Variants in SGMS2 observed in about 807,000 individuals in gnomAD.
The protein encoded by SGMS2 is phosphatidylcholine:ceramide cholinephosphotransferase 2.
SGMS2 carries 21 observed loss-of-function variants against 43.8 expected under a neutral mutation model. That is an observed-to-expected ratio of 0.48 (90% confidence interval 0.34 to 0.69). The LOEUF (loss-of-function observed/expected upper bound fraction) is 0.69, where lower values mean the gene tolerates loss of function less well. Ranked by LOEUF, SGMS2 falls within the 30% of genes least tolerant of loss-of-function variation. SGMS2 has a pLI of 0.01. For missense variants in SGMS2, 384 were observed against 443.2 expected, an observed-to-expected ratio of 0.87 and a Z score of 1.20; for synonymous variants, 167 against 160.6, an observed-to-expected ratio of 1.04 and a Z score of -0.30.
At chr4:107,853,329 C>G (rs1727256363) in intron 1 of SGMS2, among the ~76,000 whole-genome samples, 2 of 152,074 alleles carry the variant, frequency 1.3e-5, no homozygotes, top group African/African-American at 4.8e-5. Flanking sequence ...TACAGAGTTG[C>G]CTTTCAATAT....
At chr4:107,871,162 T>G (rs1294835856) in intron 2 of SGMS2, among the ~76,000 whole-genome samples, 1 of 152,174 alleles carries the variant, frequency 6.6e-6, no homozygotes, top group Non-Finnish European at 1.5e-5. Flanking sequence ...TGATTTTCTA[T>G]TCACTGCTGA....
intron 1 of SGMS2, among the ~76,000 whole-genome samples, chr4:107,837,050 T>G (rs1310671588): frequency 1.3e-5 from 2 of 152,220 alleles, no homozygotes; most frequent in African/African-American, 4.8e-5. Flanking sequence ...TGACACAGAT[T>G]GCTGAGATGC....
At chr4:107,878,158 C>T (rs978178054) in intron 2 of SGMS2, among the ~76,000 whole-genome samples, 15 of 152,124 alleles carry the variant, frequency 9.9e-5, no homozygotes, top group Non-Finnish European at 2.2e-4. Context: ...TCACGATCCA[C>T]CCACCTGGGC....
chr4:107,865,928 A>G (rs1272347768), intron 2 of SGMS2, among the ~76,000 whole-genome samples: 1 of 152,218 alleles, frequency 6.6e-6, no homozygotes, highest in East Asian at 1.9e-4. Flanking sequence ...GATTGCCACA[A>G]GAAATAAAAG....
At chr4:107,856,742 C>T (rs904698605) in intron 1 of SGMS2, among the ~76,000 whole-genome samples, 4 of 152,254 alleles carry the variant, frequency 2.6e-5, no homozygotes, top group Non-Finnish European at 5.9e-5. Context: ...AACTGCTTGT[C>T]CCTTTTAATG....
chr4:107,884,008 T>C (rs1387101586), intron 2 of SGMS2, among the ~76,000 whole-genome samples: 2 of 152,206 alleles, frequency 1.3e-5, no homozygotes, highest in Admixed American at 1.3e-4. Context: ...TTGCCTAATG[T>C]TTTTCAATTT....
chr4:107,903,261 A>C lies in SGMS2; in HGVS notation c.602A>C (p.Gln201Pro). Reference protein sequence around the residue: ...KLNGDSQAKVQRILRLISGGG... With the variant: ...KLNGDSQAKVPRILRLISGGG... ...AATGGAGACTCTCAGGCAAAAGTTC[A>C]ACGGATTCTACGATTGATTTCTGGT... is the stretch of plus-strand genomic sequence containing the variant. The change falls in exon 5 of 7, where the codon CAA becomes CCA. Residue 201 changes from glutamine (Q) to proline (P), a missense_variant. Transcript: ENST00000690982. The C allele has an allele frequency of 6.2e-7, 1 of 1,614,086 alleles. No homozygotes were observed. The highest frequency in any genetic ancestry group is 8.5e-7 in the Non-Finnish European group (1 of 1,179,944).
intron 2 of SGMS2, among the ~76,000 whole-genome samples, chr4:107,890,498 A>T (rs545816390): frequency 6.6e-6 from 1 of 152,216 alleles, no homozygotes; most frequent in South Asian, 2.1e-4. Flanking sequence ...AACATGGTGA[A>T]ACGTCATCTG....
At chr4:107,851,603 C>T (rs1493124) in intron 1 of SGMS2, among the ~76,000 whole-genome samples, 78,634 of 151,980 alleles carry the variant, frequency 0.52, 21,114 homozygotes, top group African/African-American at 0.61. Context: ...ACAGTTTTGA[C>T]AATAACACTT....
chr4:107,861,437 G>C (rs1727725698), intron 2 of SGMS2, among the ~76,000 whole-genome samples: 1 of 152,156 alleles, frequency 6.6e-6, no homozygotes, highest in Non-Finnish European at 1.5e-5. Context: ...AGGGCTTCAG[G>C]AGGTCCACCT....
intron 2 of SGMS2, among the ~76,000 whole-genome samples, chr4:107,883,276 C>T (rs1195544574): frequency 6.6e-6 from 1 of 152,142 alleles, no homozygotes; most frequent in African/African-American, 2.4e-5. Flanking sequence ...TGAGATTCTA[C>T]AGTTTCTATT....
chr4:107,843,081 C>A (rs1407911105), intron 1 of SGMS2, among the ~76,000 whole-genome samples: 6 of 151,924 alleles, frequency 3.9e-5, no homozygotes, highest in Non-Finnish European at 2.9e-5. Context: ...AAAACAAGAC[C>A]TTCAGTTTGT....
intron 2 of SGMS2, among the ~76,000 whole-genome samples, chr4:107,877,220 A>G (rs1728975974): frequency 6.6e-6 from 1 of 152,178 alleles, no homozygotes; most frequent in Non-Finnish European, 1.5e-5. Flanking sequence ...TGGCAGGAAG[A>G]TTCCTTGAGC....
At chr4:107,838,256 A>G (rs1047013870) in intron 1 of SGMS2, among the ~76,000 whole-genome samples, 1 of 152,222 alleles carries the variant, frequency 6.6e-6, no homozygotes, top group African/African-American at 2.4e-5. Context: ...GAGTTGAGTA[A>G]GATGAGAACA....
In SGMS2 at chr4:107,910,430, A is replaced by G. The variant is rs368445013; in HGVS notation, c.975A>G (p.Val325=). Reference sequence around the variant, plus strand: ...TCTTTTATTTTTTTGAGAAAAATGTACAAGGCTCAATTCCTTGCTGCTTCT... The same window carrying G: ...TCTTTTATTTTTTTGAGAAAAATGTGCAAGGCTCAATTCCTTGCTGCTTCT... ...FPIFYFFEKN[V]QGSIPCCFSW... Residue 325 remains valine (V), a synonymous_variant, in exon 7 of 7, where the codon GTA becomes GTG. Transcript: ENST00000690982. The G allele has an allele frequency of 3.7e-6, 6 of 1,613,992 alleles. No individual in the cohort carries two copies. Among genetic ancestry groups the G allele is most frequent in the African/African-American group, 1.3e-5 (1 of 74,920 alleles).
At chr4:107,879,486 G>A (rs1314066532) in intron 2 of SGMS2, among the ~76,000 whole-genome samples, 4 of 148,228 alleles carry the variant, frequency 2.7e-5, no homozygotes, top group Non-Finnish European at 4.5e-5. Context: ...TTTCGAGACC[G>A]AGTCTCACTC....
intron 2 of SGMS2, among the ~76,000 whole-genome samples, chr4:107,868,087 GT>G (rs1471911455): frequency 6.6e-5 from 10 of 152,226 alleles, no homozygotes; most frequent in African/African-American, 2.4e-4. Context: ...TGATGAAATT[GT>G]TTAAAGTGTA....
rs1291305629 is a variant in SGMS2 at position 107,910,430 on chromosome 4, ACAAGGCT to A, written c.979_985del (p.Gly327PhefsTer71). On this transcript the variant is annotated frameshift_variant, in exon 7 of 7. Coordinates refer to ENST00000690982, the MANE Select transcript of SGMS2 (RefSeq NM_001375905.1). LOFTEE classifies it high-confidence loss of function. ...TCTTTTATTTTTTTGAGAAAAATGTACAAGGCTCAATTCCTTGCTGCTTCTCCTGGCC... is the reference window on the plus strand; with the variant it reads ...TCTTTTATTTTTTTGAGAAAAATGTACAATTCCTTGCTGCTTCTCCTGGCC... The A allele has an allele frequency of 6.2e-7, 1 of 1,613,992 alleles. No individual in the cohort carries two copies. The highest frequency in any genetic ancestry group is 8.5e-7 in the Non-Finnish European group (1 of 1,180,012).
intron 1 of SGMS2, among the ~76,000 whole-genome samples, chr4:107,825,894 G>A (rs558021661): frequency 1.4e-4 from 21 of 152,076 alleles, no homozygotes; most frequent in African/African-American, 5.1e-4. Context: ...TAATGTTGCC[G>A]GTCCTCTATT....
Sources: allele counts gnomAD v4.1 joint callset (sites outside exome capture counted in the v4.1 genomes callset), GRCh38; gene constraint gnomAD v4.1.1; transcripts MANE v1.5; gene names NCBI Gene and HGNC (gene_info 2026-07-23, HGNC 2026-07-21).